ZBTB12: variants seen among roughly 807,000 people sequenced by gnomAD.
ZBTB12 encodes the protein zinc finger and BTB domain-containing protein 12.
A neutral mutation model predicts 6.4 loss-of-function variants in ZBTB12; 1 was observed. The ratio of observed to expected loss-of-function variants is 0.16; its 90% CI spans 0.06 to 0.74. The LOEUF (loss-of-function observed/expected upper bound fraction) is 0.74, where lower values mean the gene tolerates loss of function less well. Ranked by LOEUF, ZBTB12 falls within the 30% of genes least tolerant of loss-of-function variation. ZBTB12 has a pLI of 0.78. For synonymous variants in ZBTB12, 273 were observed against 262.5 expected, an observed-to-expected ratio of 1.04 and a Z score of -0.39; for missense variants, 344 against 613.9, an observed-to-expected ratio of 0.56 and a Z score of 4.65.
Position 31,900,700 on chromosome 6 carries a change from A to G in ZBTB12, c.606T>C (p.Asp202=), listed in dbSNP as rs1457257142. The G allele has an allele frequency of 5.6e-6, 9 of 1,603,284 alleles. No individual in the cohort carries two copies. Among genetic ancestry groups the G allele is most frequent in the Non-Finnish European group, 7.7e-6 (9 of 1,174,326 alleles). ...LKAEEEDEDE[D]EDVSDICIVK... ...CGATGCAGATGTCAGACACGTCCTC[A>G]TCCTCATCCTCATCCTCTTCCTCGG... The change falls in exon 2 of 2, where the codon GAT becomes GAC. Residue 202 remains aspartate (D), a synonymous_variant. Coordinates refer to ENST00000375527, the MANE Select transcript of ZBTB12 (RefSeq NM_181842.3). The surrounding 1 kb of genome is among the most constrained non-coding windows in gnomAD (Gnocchi z 9.7).
Position 31,900,274 on chromosome 6 carries a change from G to A in ZBTB12, c.1032C>T (p.Gly344=). The A allele has an allele frequency of 6.2e-7, 1 of 1,613,382 alleles. No individual in the cohort carries two copies. Among genetic ancestry groups the A allele is most frequent in the Non-Finnish European group, 8.5e-7 (1 of 1,179,998 alleles). Residue 344 remains glycine (G), a synonymous_variant, in exon 2 of 2, where the codon GGC becomes GGT. Transcript: ENST00000375527. The surrounding 1 kb of genome is among the most constrained non-coding windows in gnomAD (Gnocchi z 9.7). ...KCTKCPEVFQ[G]VEKLVFHMRA... ...GCATGTGGAAGACCAGCTTCTCCAC[G>A]CCCTGGAACACTTCCGGGCACTTGG...
chr6:31,900,214 A>G lies in ZBTB12; in HGVS notation c.1092T>C (p.Cys364=). 6.2e-7 allele frequency: 1 copy of G among 1,614,134 alleles called. No homozygotes were observed. The highest frequency in any genetic ancestry group is 1.3e-5 in the African/African-American group (1 of 75,052). The change falls in exon 2 of 2, where the codon TGT becomes TGC. Residue 364 remains cysteine, a synonymous_variant. Transcript: ENST00000375527. The surrounding 1 kb of genome is among the most constrained non-coding windows in gnomAD (Gnocchi z 9.7). ...AQHFIFMCPR[C]GKQFNHSSNL... ...TGCTGCTGTGGTTGAACTGCTTGCC[A>G]CAGCGAGGGCACATGAAGATGAAGT...
Position 31,900,545 on chromosome 6 carries a change from C to T in ZBTB12, c.761G>A (p.Ser254Asn). ...CACACCCTGCGGTGGGGCTACAGTG[C>T]TGGGGGGAACGCTGCTCTGGGCCAG... ...GELAQSSVPP[S>N]TVAPPQGVVK... is the part of the protein sequence containing the mutation. The change falls in exon 2 of 2, where the codon AGC (serine) becomes AAC (asparagine). Residue 254 changes from serine (S) to asparagine (N), a missense_variant. By Grantham distance (46) the Ser-to-Asn change is conservative (BLOSUM62 1). Around this residue, in one of 5 missense-constraint regions of ZBTB12, gnomAD observed 241 missense variants for 315.4 expected, o/e 0.76. Transcript: ENST00000375527. This position sits in a 1 kb window ranked among gnomAD's most constrained non-coding sequence, Gnocchi z 9.7. The T allele has an allele frequency of 5.0e-6, 8 of 1,612,014 alleles. No homozygotes were observed. Among genetic ancestry groups the T allele is most frequent in the Non-Finnish European group, 5.9e-6 (7 of 1,179,846 alleles).
chr6:31,901,435 G>A (rs1429207785), intron 1 of ZBTB12, 110 bp from the exon 2 acceptor site: 5 of 1,047,926 alleles, frequency 4.8e-6, no homozygotes, highest in Non-Finnish European at 6.7e-6. Flanking sequence ...CGATCTCCCG[G>A]TCTTCAGATT....
In ZBTB12 at chr6:31,900,381, C is replaced by T. The variant is rs1411577137; in HGVS notation, c.925G>A (p.Gly309Ser). Residue 309 changes from glycine (G) to serine (S), a missense_variant, in exon 2 of 2, where the codon GGC becomes AGC. Transcript: ENST00000375527. The surrounding 1 kb of genome is among the most constrained non-coding windows in gnomAD (Gnocchi z 9.7). ...CGGCTGCCCCCCGCCCCCAGGCTGC[C>T]CCCCGCCCCCCGGGCAGCCATGGCC... ...AVAMAARGAG[G>S]SLGAGGSRGP... The T allele has an allele frequency of 6.5e-7, 1 of 1,544,516 alleles. No homozygotes were observed. Among genetic ancestry groups the T allele is most frequent in the Admixed American group, 2.0e-5 (1 of 50,926 alleles).
Position 31,899,845 on chromosome 6 carries a change from C to A in ZBTB12, c.*81G>T, listed in dbSNP as rs773366292. ...TTACCTTTCTGCCCCAGACCCCCCA[C>A]CCCCCAATTCTCCTGGGCCAAAGAG... On this transcript the variant is annotated 3_prime_UTR_variant, in exon 2 of 2. Transcript: ENST00000375527. 2.0e-5 allele frequency: 28 copies of A among 1,418,106 alleles called. No individual in the cohort carries two copies. The highest frequency in any genetic ancestry group is 2.6e-5 in the Non-Finnish European group (27 of 1,058,776). The allele number at this position is 1,418,106 out of a possible 1,614,324, so 87.8% of individuals were successfully genotyped here.
Position 31,900,896 on chromosome 6 carries a change from C to G in ZBTB12, c.410G>C (p.Gly137Ala). ...IEPKIGLKED[G>A]VSEASLVSSI... is the part of the protein sequence containing the mutation. ...GCTCACAAGGCTAGCCTCACTGACCCCATCCTCTTTGAGGCCTATTTTGGG... is the reference window on the plus strand; with the variant it reads ...GCTCACAAGGCTAGCCTCACTGACCGCATCCTCTTTGAGGCCTATTTTGGG... Residue 137 changes from glycine to alanine, a missense_variant, in exon 2 of 2, where the codon GGG becomes GCG. This residue lies in a region of ZBTB12 where 241 missense variants were observed against 315.4 expected (regional missense o/e 0.76). Transcript: ENST00000375527. This position sits in a 1 kb window ranked among gnomAD's most constrained non-coding sequence, Gnocchi z 9.7. 1 of 1,614,060 alleles carries G rather than the reference C, an allele frequency of 6.2e-7. No individual in the cohort carries two copies. The highest frequency in any genetic ancestry group is 8.5e-7 in the Non-Finnish European group (1 of 1,180,032).
chr6:31,900,448 G>A lies in ZBTB12; in HGVS notation c.858C>T (p.Ala286=). 6.4e-7 allele frequency: 1 copy of A among 1,571,090 alleles called. No homozygotes were observed. The highest frequency in any genetic ancestry group is 1.2e-5 in the South Asian group (1 of 86,836). Residue 286 remains alanine, a synonymous_variant, in exon 2 of 2, where the codon GCC becomes GCT. Transcript: ENST00000375527. The surrounding 1 kb of genome is among the most constrained non-coding windows in gnomAD (Gnocchi z 9.7). ...EGLLLIPGGR[A]SVGATSGLVE... ...CCAGGCCCGAGGTGGCCCCCACGCT[G>A]GCCCGGCCTCCGGGAATCAACAGCA...
rs757236754 is a variant in ZBTB12, at chr6:31,900,410, G to A, written c.896C>T (p.Ala299Val). Reference protein sequence around the residue: ...GATSGLVEAAAVAMAARGAGG... With the variant: ...GATSGLVEAAVVAMAARGAGG... ...CGCCCCCCGGGCAGCCATGGCCACC[G>A]CTGCTGCTTCCACCAGGCCCGAGGT... Residue 299 changes from alanine to valine, a missense_variant, in exon 2 of 2, where the codon GCG becomes GTG. Physicochemically the swap from Ala to Val is moderately conservative, Grantham distance 64. Coordinates refer to ENST00000375527, the MANE Select transcript of ZBTB12 (RefSeq NM_181842.3). This position sits in a 1 kb window ranked among gnomAD's most constrained non-coding sequence, Gnocchi z 9.7. 6.7e-7 allele frequency: 1 copy of A among 1,500,994 alleles called. No homozygotes were observed. The highest frequency in any genetic ancestry group is 8.9e-7 in the Non-Finnish European group (1 of 1,119,838). 93.0% of individuals were successfully genotyped at this position (1,500,994 alleles called of 1,614,324 possible).
chr6:31,901,825 C>T lies in ZBTB12; in HGVS notation c.-21+12G>A. On this transcript the variant is annotated intron_variant, in intron 1 of 1. Transcript: ENST00000375527. ...CCCCAGCCCCACGACCCTGAGTGCACGCTCCTCTCACCTGGCCCGGTTCCG... is the reference window on the plus strand; with the variant it reads ...CCCCAGCCCCACGACCCTGAGTGCATGCTCCTCTCACCTGGCCCGGTTCCG... The T allele has an allele frequency of 6.4e-6, 1 of 155,058 alleles. No homozygotes were observed. The highest frequency in any genetic ancestry group is 1.4e-5 in the Non-Finnish European group (1 of 70,544). The allele number at this position is 155,058 out of a possible 1,614,324, so 9.6% of individuals were successfully genotyped here. A position where few individuals can be genotyped will look rare whatever the true frequency, so the allele number is the denominator to read the frequency against.
intron 1 of ZBTB12, 28 bp from the exon 2 acceptor site, chr6:31,901,353 C>CA (rs1375523994): frequency 6.4e-7 from 1 of 1,562,560 alleles, no homozygotes; most frequent in South Asian, 1.2e-5. Flanking sequence ...CGGTCAGAGA[C>CA]AAAGGTCTCT....
rs1299666713 is a variant in ZBTB12 at position 31,900,660 on chromosome 6, C to T, written c.646G>A (p.Ala216Thr). 1 of 1,612,626 alleles carries T rather than the reference C, an allele frequency of 6.2e-7. No individual in the cohort carries two copies. Among genetic ancestry groups the T allele is most frequent in the African/African-American group, 1.3e-5 (1 of 74,948 alleles). The part of the protein sequence containing the change: ...SDICIVKVES[A>T]LEVAHRLKPP... ...TTGAGCCGGTGTGCCACCTCCAGGG[C>T]CGACTCCACCTTGACGATGCAGATG... The change falls in exon 2 of 2, where the codon GCC becomes ACC. Residue 216 changes from alanine to threonine, a missense_variant. Physicochemically the swap from Ala to Thr is moderately conservative, Grantham distance 58. This residue lies in a region of ZBTB12 where 241 missense variants were observed against 315.4 expected (regional missense o/e 0.76). Transcript: ENST00000375527. This position sits in a 1 kb window ranked among gnomAD's most constrained non-coding sequence, Gnocchi z 9.7.
chr6:31,900,470 A>C lies in ZBTB12; in HGVS notation c.836T>G (p.Leu279Arg). The C allele has an allele frequency of 6.3e-7, 1 of 1,598,978 alleles. No homozygotes were observed. Among genetic ancestry groups the C allele is most frequent in the Non-Finnish European group, 8.5e-7 (1 of 1,174,490 alleles). Reference protein sequence around the residue: ...LSEDAEGEGLLLIPGGRASVG... With the variant: ...LSEDAEGEGLRLIPGGRASVG... The stretch of plus-strand genomic sequence containing the variant: ...GCTGGCCCGGCCTCCGGGAATCAAC[A>C]GCAGGCCCTCCCCTTCTGCATCTTC... The change falls in exon 2 of 2, where the codon CTG becomes CGG. Residue 279 changes from leucine to arginine, a missense_variant. By Grantham distance (102) the Leu-to-Arg change is moderately radical (BLOSUM62 -2). Coordinates refer to ENST00000375527, the MANE Select transcript of ZBTB12 (RefSeq NM_181842.3). The surrounding 1 kb of genome is among the most constrained non-coding windows in gnomAD (Gnocchi z 9.7).
In ZBTB12 at chr6:31,900,784, AGGGGGTAGAGGAGGT is replaced by A. The variant is rs1254874947; in HGVS notation, c.507_521del (p.Pro171_Pro175del). On this transcript the variant is annotated inframe_deletion, in exon 2 of 2. Coordinates refer to ENST00000375527, the MANE Select transcript of ZBTB12 (RefSeq NM_181842.3). This position sits in a 1 kb window ranked among gnomAD's most constrained non-coding sequence, Gnocchi z 9.7. ...CCAGCTTCACTGGCCGCAGGAGTGG[AGGGGGTAGAGGAGGT>A]GGGGGTGGGGGCTTCGGGGCTGGCT... is the stretch of plus-strand genomic sequence containing the variant. 1 of 981,734 alleles carries A rather than the reference AGGGGGTAGAGGAGGT, an allele frequency of 1.0e-6. No individual in the cohort carries two copies. The highest frequency in any genetic ancestry group is 1.3e-5 in the South Asian group (1 of 74,086). The allele number at this position is 981,734 out of a possible 1,614,324, so 60.8% of individuals were successfully genotyped here.
chr6:31,900,127 G>A lies in ZBTB12; in HGVS notation c.1179C>T (p.Gly393=), dbSNP rs776290502. Residue 393 remains glycine (G), a synonymous_variant, in exon 2 of 2, where the codon GGC becomes GGT. Coordinates refer to ENST00000375527, the MANE Select transcript of ZBTB12 (RefSeq NM_181842.3). This position sits in a 1 kb window ranked among gnomAD's most constrained non-coding sequence, Gnocchi z 9.7. ...GVKSHSCGIC[G]KCFTQKSTLH... ...GGGTGGACTTCTGTGTGAAGCACTT[G>A]CCGCAGATGCCGCACGAGTGTGACT... The A allele has an allele frequency of 1.2e-6, 2 of 1,614,068 alleles. No homozygotes were observed. The highest frequency in any genetic ancestry group is 1.7e-6 in the Non-Finnish European group (2 of 1,179,936).
Position 31,899,861 on chromosome 6 carries a change from G to A in ZBTB12, c.*65C>T. ...GACCCCCCACCCCCCAATTCTCCTG[G>A]GCCAAAGAGCCCTTTTTCCACGCAG... On this transcript the variant is annotated 3_prime_UTR_variant, in exon 2 of 2. Coordinates refer to ENST00000375527, the MANE Select transcript of ZBTB12 (RefSeq NM_181842.3). 1.3e-6 allele frequency: 2 copies of A among 1,491,066 alleles called. No homozygotes were observed. Among genetic ancestry groups the A allele is most frequent in the Middle Eastern group, 2.5e-4 (1 of 3,952 alleles). The allele number at this position is 1,491,066 out of a possible 1,614,324, so 92.4% of individuals were successfully genotyped here. A position where few individuals can be genotyped will look rare whatever the true frequency, so the allele number is the denominator to read the frequency against.
In ZBTB12 at chr6:31,901,313, G is replaced by C. The variant is rs556201424; in HGVS notation, c.-8C>G. ...TTCCACCCCAGAGGCCATTGTGGCGGGGGTGGGCAACCCTGGTTGGGAAGG... is the reference window on the plus strand; with the variant it reads ...TTCCACCCCAGAGGCCATTGTGGCGCGGGTGGGCAACCCTGGTTGGGAAGG... On this transcript the variant is annotated 5_prime_UTR_variant, in exon 2 of 2. Transcript: ENST00000375527. 663 of 1,602,446 alleles carry C rather than the reference G, an allele frequency of 4.1e-4. 3 individuals carry two copies. In the African/African-American group the frequency reaches 8.3e-3, roughly 20 times the overall value.
rs1379312825 is a variant in ZBTB12, at chr6:31,901,971, CG to C, written c.-156del. The C allele has an allele frequency of 6.8e-6, 1 of 147,434 alleles. No individual in the cohort carries two copies. The highest frequency in any genetic ancestry group is 6.7e-5 in the Admixed American group (1 of 14,904). The allele number at this position is 147,434 out of a possible 1,614,324, so 9.1% of individuals were successfully genotyped here. A position where few individuals can be genotyped will look rare whatever the true frequency, so the allele number is the denominator to read the frequency against. On this transcript the variant is annotated 5_prime_UTR_variant, in exon 1 of 2. Transcript: ENST00000375527. ...GGGATGCACGGGACGCGCGCGCGCGCGGGGCCGGCTCCGCGTGGGCGTAAGG... is the reference window on the plus strand; with the variant it reads ...GGGATGCACGGGACGCGCGCGCGCGCGGGCCGGCTCCGCGTGGGCGTAAGG...
Position 31,900,726 on chromosome 6 carries a change from C to T in ZBTB12, c.580G>A (p.Ala194Thr), listed in dbSNP as rs552178569. ...FPLDEDLELK[A>T]EEEDEDEDED... is the part of the protein sequence containing the mutation. ...TCCTCATCCTCATCCTCTTCCTCGG[C>T]TTTCAGCTCCAAGTCTTCATCCAGT... The change falls in exon 2 of 2, where the codon GCC becomes ACC. Residue 194 changes from alanine to threonine, a missense_variant. Ala to Thr is a moderately conservative substitution (Grantham distance 58). Transcript: ENST00000375527. The surrounding 1 kb of genome is among the most constrained non-coding windows in gnomAD (Gnocchi z 9.7). The T allele has an allele frequency of 3.1e-6, 5 of 1,598,290 alleles. No homozygotes were observed. In the South Asian group the frequency reaches 3.4e-5, roughly 11 times the overall value.
Sources: gnomAD v4.1 joint callset for allele counts on GRCh38, gnomAD v4.1.1 for gene constraint, gnomAD v4.1.1 regional missense constraint, Gnocchi (gnomAD v3.1) non-coding constraint, MANE v1.5 for transcripts, NCBI Gene and HGNC (gene_info 2026-07-23, HGNC 2026-07-21) for gene names.